Variants in HRH1 observed in about 807,000 individuals in gnomAD.
HRH1 encodes the protein histamine H1 receptor.
Under a neutral mutation model 10.3 loss-of-function variants are expected in HRH1, and 6 were observed. That is an observed-to-expected ratio of 0.58 (90% CI 0.32 to 1.15). The LOEUF (loss-of-function observed/expected upper bound fraction) is 1.15. HRH1 is among the 50% of genes most tolerant of loss of function. The pLI is 0.05. For synonymous variants in HRH1, 242 were observed against 236.7 expected, an observed-to-expected ratio of 1.02 and a Z score of -0.21; for missense variants, 514 against 615.3, an observed-to-expected ratio of 0.84 and a Z score of 1.74.
chr3:11,239,044 G>T (rs138972219), intron 1 of HRH1, among the ~76,000 whole-genome samples: 1 of 152,182 alleles, frequency 6.6e-6, no homozygotes, highest in Non-Finnish European at 1.5e-5. Flanking sequence ...TGGAATCACT[G>T]AGTCATATGG....
chr3:11,190,350 A>C (rs925987285), intron 1 of HRH1, among the ~76,000 whole-genome samples: 1 of 147,820 alleles, frequency 6.8e-6, no homozygotes, highest in African/African-American at 2.5e-5. Context: ...TGTCTCTAGT[A>C]ATATATATAT....
At chr3:11,182,276 C>A (rs1937372735) in intron 1 of HRH1, among the ~76,000 whole-genome samples, 1 of 152,184 alleles carries the variant, frequency 6.6e-6, no homozygotes, top group Non-Finnish European at 1.5e-5. Context: ...GCCACCGCGC[C>A]CGGCCCGTAA....
intron 1 of HRH1, among the ~76,000 whole-genome samples, chr3:11,228,321 C>T (rs1938950032): frequency 6.6e-6 from 1 of 152,056 alleles, no homozygotes; most frequent in Non-Finnish European, 1.5e-5. Context: ...TTGAAGGTCA[C>T]AGTGAGCTGT....
intron 1 of HRH1, among the ~76,000 whole-genome samples, chr3:11,146,381 A>C: frequency 6.6e-6 from 1 of 152,188 alleles, no homozygotes; most frequent in East Asian, 1.9e-4. Context: ...TTGTAGAAAA[A>C]GAAAAACCAG....
intron 1 of HRH1, among the ~76,000 whole-genome samples, chr3:11,249,224 G>A (rs113020614): frequency 0.072 from 10,881 of 151,730 alleles, 1,235 homozygotes; most frequent in African/African-American, 0.24. Context: ...GTGAAACCCC[G>A]TCTCTACTAA....
rs550444267 is a variant in HRH1, at chr3:11,225,774, C to T, written c.-35-33229C>T. 2.0e-5 allele frequency among the ~76,000 whole-genome samples: 3 copies of T among 152,374 alleles called. No individual in the cohort carries two copies. In the South Asian group the frequency reaches 6.2e-4, roughly 32 times the overall value. On this transcript the variant is annotated intron_variant, in intron 1 of 1. Coordinates refer to ENST00000431010, the MANE Select transcript of HRH1 (RefSeq NM_001098212.2). ...GATCTCGGCTCACTTCAACCTCTGC[C>T]TCCCGGGTTCAGGCGACTCACATGC... is the stretch of plus-strand genomic sequence containing the variant.
Position 11,260,666 on chromosome 3 carries a change from C to T in HRH1, c.*165C>T, listed in dbSNP as rs1017531999. ...AAAGTTCTTAGGCACCATAGAAGAACAGCAGATGGCGGTGATCAGCAGAGA... is the reference window on the plus strand; with the variant it reads ...AAAGTTCTTAGGCACCATAGAAGAATAGCAGATGGCGGTGATCAGCAGAGA... On this transcript the variant is annotated 3_prime_UTR_variant, in exon 2 of 2. Transcript: ENST00000431010. The T allele has an allele frequency of 1.6e-6, 1 of 628,694 alleles. No individual in the cohort carries two copies. The highest frequency in any genetic ancestry group is 3.1e-5 in the Admixed American group (1 of 32,430). The allele number at this position is 628,694 out of a possible 1,614,324, so 38.9% of individuals were successfully genotyped here. A position where few individuals can be genotyped will look rare whatever the true frequency, so the allele number is the denominator to read the frequency against.
At chr3:11,215,261 A>G (rs528031173) in intron 1 of HRH1, among the ~76,000 whole-genome samples, 2 of 152,254 alleles carry the variant, frequency 1.3e-5, no homozygotes, top group South Asian at 2.1e-4. Context: ...CTCATATTTC[A>G]CCTTATTGTG....
chr3:11,205,159 A>G (rs1047815404), intron 1 of HRH1, among the ~76,000 whole-genome samples: 1 of 152,202 alleles, frequency 6.6e-6, no homozygotes, highest in Non-Finnish European at 1.5e-5. Context: ...ATGGGAATGT[A>G]TGCACTGCCA....
intron 1 of HRH1, among the ~76,000 whole-genome samples, chr3:11,246,058 A>G (rs1256520410): frequency 6.6e-6 from 1 of 151,894 alleles, no homozygotes; most frequent in African/African-American, 2.4e-5. Context: ...ACACACATAC[A>G]CACAGACTCT....
At chr3:11,216,185 G>A (rs938713531) in intron 1 of HRH1, among the ~76,000 whole-genome samples, 1 of 152,156 alleles carries the variant, frequency 6.6e-6, no homozygotes, top group South Asian at 2.1e-4. Context: ...ATCTAAAATG[G>A]TGCAGCCACT....
intron 1 of HRH1, among the ~76,000 whole-genome samples, chr3:11,245,955 A>G (rs776559657): frequency 6.6e-6 from 1 of 151,856 alleles, no homozygotes; most frequent in Non-Finnish European, 1.5e-5. Context: ...TCACTCATAC[A>G]TACTCATACA....
chr3:11,158,235 A>T (rs997799886), intron 1 of HRH1, among the ~76,000 whole-genome samples: 32 of 152,352 alleles, frequency 2.1e-4, no homozygotes, highest in Admixed American at 1.8e-3. Flanking sequence ...AAGTTGGCTT[A>T]GTCTGGGACA....
intron 1 of HRH1, among the ~76,000 whole-genome samples, chr3:11,208,005 C>G (rs900121117): frequency 3.9e-5 from 6 of 152,186 alleles, no homozygotes; most frequent in Non-Finnish European, 8.8e-5. Context: ...GACAGTCTTT[C>G]CACGCAAGAG....
Position 11,234,560 on chromosome 3 carries a change from C to T in HRH1, c.-35-24443C>T, listed in dbSNP as rs1939123874. 2.1e-6 allele frequency: 3 copies of T among 1,438,218 alleles called. No individual in the cohort carries two copies. The East Asian group carries it at 6.8e-5, about 33-fold the overall frequency. 89.1% of individuals were successfully genotyped at this position (1,438,218 alleles called of 1,614,324 possible). Reference sequence around the variant, plus strand: ...AATGTCTTCATTGGTAGTATCAATCCATGCTCCTCGTATGGATCGTTGGGG... The same window carrying T: ...AATGTCTTCATTGGTAGTATCAATCTATGCTCCTCGTATGGATCGTTGGGG... On this transcript the variant is annotated intron_variant, in intron 1 of 1. Coordinates refer to ENST00000431010, the MANE Select transcript of HRH1 (RefSeq NM_001098212.2).
intron 1 of HRH1, among the ~76,000 whole-genome samples, chr3:11,202,472 C>A (rs1363859519): frequency 3.3e-5 from 5 of 151,046 alleles, no homozygotes; most frequent in African/African-American, 4.9e-5. Context: ...TGTTTGGGAG[C>A]CACTTTAACT....
At chr3:11,189,221 A>G (rs1559264545) in intron 1 of HRH1, among the ~76,000 whole-genome samples, 1 of 152,038 alleles carries the variant, frequency 6.6e-6, no homozygotes, top group Admixed American at 6.5e-5. Context: ...CTAATGTATT[A>G]CCCTTCCGAG....
At chr3:11,191,333 G>A (rs910918467) in intron 1 of HRH1, among the ~76,000 whole-genome samples, 4 of 152,182 alleles carry the variant, frequency 2.6e-5, no homozygotes, top group African/African-American at 9.7e-5. Flanking sequence ...TGTCAAGCAT[G>A]TTAGTTTCTC....
Position 11,260,627 on chromosome 3 carries a change from G to A in HRH1, c.*126G>A. On this transcript the variant is annotated 3_prime_UTR_variant, in exon 2 of 2. Transcript: ENST00000431010. ...TGGAATCCAAACCACAGTCTTAGGGGCTTGGTAGTTTGGAAAGTTCTTAGG... is the reference window on the plus strand; with the variant it reads ...TGGAATCCAAACCACAGTCTTAGGGACTTGGTAGTTTGGAAAGTTCTTAGG... 1.2e-6 allele frequency: 1 copy of A among 854,896 alleles called. No individual in the cohort carries two copies. Among genetic ancestry groups the A allele is most frequent in the Non-Finnish European group, 1.9e-6 (1 of 537,676 alleles). The allele number at this position is 854,896 out of a possible 1,614,324, so 53.0% of individuals were successfully genotyped here.
Sources: allele counts gnomAD v4.1 joint callset (sites outside exome capture counted in the v4.1 genomes callset), GRCh38; gene constraint gnomAD v4.1.1; transcripts MANE v1.5; gene names NCBI Gene and HGNC (gene_info 2026-07-23, HGNC 2026-07-21).